Variants in PDZRN4 observed in about 807,000 individuals in gnomAD.
PDZRN4 encodes PDZ domain-containing RING finger protein 4.
A neutral mutation model predicts 99.0 loss-of-function variants in PDZRN4; 70 were observed. The ratio of observed to expected loss-of-function variants is 0.71; its 90% CI spans 0.58 to 0.86. The LOEUF is 0.86. Among genes scored for constraint, PDZRN4 ranks in the 40% least tolerant of loss-of-function variants. The probability of loss-of-function intolerance (pLI) is 0.00; values close to 1 mark genes in which losing one functional copy is unlikely to be tolerated. For missense variants in PDZRN4, 1,474 were observed against 1,331.2 expected (o/e 1.11, Z -1.67); for synonymous variants, 551 against 501.6 (o/e 1.10, Z -1.32).
At chr12:41,194,657 TA>T (rs1229703348) in intron 3 of PDZRN4, among the ~76,000 whole-genome samples, 2 of 152,104 alleles carry the variant, frequency 1.3e-5, no homozygotes, top group African/African-American at 4.8e-5. Flanking sequence ...CAAAAAGAAG[TA>T]AAACTCTATT....
At chr12:41,441,620 G>GT (rs1469303306) in intron 3 of PDZRN4, among the ~76,000 whole-genome samples, 1 of 152,138 alleles carries the variant, frequency 6.6e-6, no homozygotes, top group South Asian at 2.1e-4. Flanking sequence ...ATATGCTAAA[G>GT]TCTCCTCTAT....
intron 3 of PDZRN4, among the ~76,000 whole-genome samples, chr12:41,266,978 T>C (rs1195829985): frequency 1.3e-5 from 2 of 152,184 alleles, no homozygotes; most frequent in African/African-American, 2.4e-5. Context: ...TCTGTCCATC[T>C]ATACAGTTAG....
intron 3 of PDZRN4, among the ~76,000 whole-genome samples, chr12:41,270,274 GTC>G (rs1192905384): frequency 5.4e-5 from 7 of 129,344 alleles, no homozygotes; most frequent in Admixed American, 8.7e-5. Flanking sequence ...GTGTGTGTGT[GTC>G]TGTGTGTGTG....
At chr12:41,542,871 C>CTT (rs1238184071) in intron 5 of PDZRN4, among the ~76,000 whole-genome samples, 19 of 151,942 alleles carry the variant, frequency 1.3e-4, no homozygotes, top group African/African-American at 4.6e-4. Flanking sequence ...GAAATTTATG[C>CTT]TTTTGCTTGG....
chr12:41,444,233 A>C (rs778328869), intron 3 of PDZRN4, among the ~76,000 whole-genome samples: 11 of 152,104 alleles, frequency 7.2e-5, no homozygotes, highest in Non-Finnish European at 1.3e-4. Context: ...CTTTAATTTT[A>C]GGCTCCACTT....
chr12:41,489,199 C>T (rs1454361078), intron 3 of PDZRN4, among the ~76,000 whole-genome samples: 2 of 152,044 alleles, frequency 1.3e-5, no homozygotes, highest in Admixed American at 6.6e-5. Context: ...GGTTGGACAC[C>T]TCTGCTAGTC....
chr12:41,234,215 T>C (rs1483384733), intron 3 of PDZRN4, among the ~76,000 whole-genome samples: 2 of 152,084 alleles, frequency 1.3e-5, no homozygotes, highest in Admixed American at 1.3e-4. Context: ...TTGGCAAGTA[T>C]TGAAACCTGT....
chr12:41,197,408 A>G (rs1034899558), intron 3 of PDZRN4, among the ~76,000 whole-genome samples: 1 of 152,174 alleles, frequency 6.6e-6, no homozygotes, highest in Non-Finnish European at 1.5e-5. Flanking sequence ...AGGTAAACCT[A>G]TGTCATATTT....
chr12:41,526,601 T>C (rs996396292), intron 5 of PDZRN4, among the ~76,000 whole-genome samples: 1 of 152,204 alleles, frequency 6.6e-6, no homozygotes, highest in East Asian at 1.9e-4. Context: ...GAAGAAATTT[T>C]TGCAAAATAT....
intron 3 of PDZRN4, among the ~76,000 whole-genome samples, chr12:41,487,148 T>A (rs1384401668): frequency 1.3e-5 from 2 of 152,192 alleles, no homozygotes; most frequent in African/African-American, 4.8e-5. Context: ...TTGTCTGCCT[T>A]ACTAAAATGT....
chr12:41,258,877 G>C (rs1951219643), intron 3 of PDZRN4, among the ~76,000 whole-genome samples: 1 of 152,074 alleles, frequency 6.6e-6, no homozygotes, highest in Admixed American at 6.6e-5. Flanking sequence ...AATGTTATGA[G>C]TAGTGATGAT....
chr12:41,483,973 C>G (rs1937725549), intron 3 of PDZRN4, among the ~76,000 whole-genome samples: 1 of 152,068 alleles, frequency 6.6e-6, no homozygotes, highest in South Asian at 2.1e-4. Flanking sequence ...TAAATTTAAC[C>G]TGGATTCCAT....
intron 3 of PDZRN4, among the ~76,000 whole-genome samples, chr12:41,349,130 G>A (rs888998131): frequency 2.0e-5 from 3 of 150,966 alleles, no homozygotes; most frequent in East Asian, 1.9e-4. Context: ...CTATCAATAG[G>A]GATCACCTAT....
chr12:41,394,279 G>A lies in PDZRN4; in HGVS notation c.844-112177G>A, dbSNP rs572495471. Among the ~76,000 whole-genome samples, 5 of 152,210 alleles carry A rather than the reference G, an allele frequency of 3.3e-5. No individual in the cohort carries two copies. The South Asian group carries it at 6.2e-4, about 19-fold the overall frequency. ...TCCCATCCAATCTCAATGGGGGTTA[G>A]GATTTCAGTATATGAATCTTGGGAG... is the stretch of plus-strand genomic sequence containing the variant. On this transcript the variant is annotated intron_variant, in intron 3 of 9. Transcript: ENST00000402685.
chr12:41,243,185 A>G (rs376932653), intron 3 of PDZRN4, among the ~76,000 whole-genome samples: 4 of 152,296 alleles, frequency 2.6e-5, no homozygotes, highest in African/African-American at 9.6e-5. Context: ...TCTTGTTACC[A>G]TCAGCAGATT....
chr12:41,397,917 A>C, intron 3 of PDZRN4, among the ~76,000 whole-genome samples: 1 of 152,118 alleles, frequency 6.6e-6, no homozygotes, highest in East Asian at 1.9e-4. Context: ...CTTATAGAGA[A>C]GAGAGGTAAC....
At chr12:41,200,259 GA>G (rs1950805379) in intron 3 of PDZRN4, among the ~76,000 whole-genome samples, 1 of 152,116 alleles carries the variant, frequency 6.6e-6, no homozygotes, top group Non-Finnish European at 1.5e-5. Flanking sequence ...GTCACTCAAA[GA>G]TTTCTCAACT....
At chr12:41,236,056 C>G (rs1026432344) in intron 3 of PDZRN4, among the ~76,000 whole-genome samples, 2 of 152,038 alleles carry the variant, frequency 1.3e-5, no homozygotes, top group Non-Finnish European at 2.9e-5. Flanking sequence ...AGTCTGATAA[C>G]CCATGTTTAC....
At chr12:41,462,079 G>T (rs1293046948) in intron 3 of PDZRN4, among the ~76,000 whole-genome samples, 12 of 152,080 alleles carry the variant, frequency 7.9e-5, no homozygotes. Context: ...TATCTCTTCT[G>T]CCAACCAGTA....
Sources: gnomAD v4.1 joint callset for allele counts (sites outside exome capture counted in the v4.1 genomes callset) on GRCh38, gnomAD v4.1.1 for gene constraint, MANE v1.5 for transcripts, NCBI Gene and HGNC (gene_info 2026-07-23, HGNC 2026-07-21) for gene names.